The following SLC25A26 variants were observed in gnomAD, a reference collection of about 807,000 sequenced individuals.
The protein encoded by SLC25A26 is mitochondrial S-adenosylmethionine carrier protein.
A neutral mutation model predicts 37.8 loss-of-function variants in SLC25A26; 36 were observed. The observed-to-expected ratio is 0.95, with a 90% confidence interval of 0.73 to 1.26. The LOEUF (loss-of-function observed/expected upper bound fraction) is 1.26. SLC25A26 is among the 50% of genes most tolerant of loss of function. The pLI, the probability that SLC25A26 is intolerant of heterozygous loss-of-function variation, is 0.00. For synonymous variants in SLC25A26, 129 were observed against 122.5 expected (o/e 1.05, Z -0.35); for missense variants, 390 against 331.1 (o/e 1.18, Z -1.38).
intron 5 of SLC25A26, among the ~76,000 whole-genome samples, chr3:66,279,452 C>G (rs1415285637): frequency 6.6e-6 from 1 of 152,082 alleles, no homozygotes; most frequent in African/African-American, 2.4e-5. Flanking sequence ...AATGAAAATG[C>G]TTTCAGATAT....
intron 1 of SLC25A26, among the ~76,000 whole-genome samples, chr3:66,169,934 C>G (rs2070472429): frequency 6.6e-6 from 1 of 152,168 alleles, no homozygotes; most frequent in South Asian, 2.1e-4. Flanking sequence ...GGGAGAAGAG[C>G]AATAATTTTC....
intron 5 of SLC25A26, 132 bp from the exon 6 acceptor site, chr3:66,346,232 A>G (rs1424173285): frequency 1.8e-5 from 9 of 503,242 alleles, no homozygotes; most frequent in Admixed American, 4.2e-5. Context: ...CATTATGTCT[A>G]CTATAACTGT....
intron 9 of SLC25A26, chr3:66,371,506 G>A (rs1700342654): frequency 7.3e-7 from 1 of 1,363,570 alleles, no homozygotes; most frequent in Non-Finnish European, 9.5e-7. Flanking sequence ...GGTGATATTG[G>A]ATGGTTTTGT....
intron 5 of SLC25A26, among the ~76,000 whole-genome samples, chr3:66,329,570 TAG>T (rs1300307410): frequency 6.6e-5 from 10 of 152,166 alleles, no homozygotes; most frequent in African/African-American, 2.2e-4. Flanking sequence ...CAGTTTCCAT[TAG>T]AGTTTTAAAA....
chr3:66,315,231 ATCTT>A (rs1414089088), intron 5 of SLC25A26, among the ~76,000 whole-genome samples: 2 of 151,806 alleles, frequency 1.3e-5, no homozygotes, highest in African/African-American at 4.8e-5. Context: ...TCAGTTTGAG[ATCTT>A]TCTAACTTTT....
chr3:66,369,370 C>A, intron 7 of SLC25A26, 108 bp from the exon 8 acceptor site: 1 of 607,320 alleles, frequency 1.6e-6, no homozygotes. Flanking sequence ...TTCAATCAGC[C>A]AGGTGTACAT....
intron 1 of SLC25A26, among the ~76,000 whole-genome samples, chr3:66,181,346 G>C (rs184051493): frequency 4.6e-5 from 7 of 152,264 alleles, no homozygotes; most frequent in African/African-American, 1.7e-4. Flanking sequence ...AAATTACTTT[G>C]TGTCTTTATG....
chr3:66,257,430 C>G (rs1010514704), intron 3 of SLC25A26, among the ~76,000 whole-genome samples: 1 of 152,128 alleles, frequency 6.6e-6, no homozygotes, highest in Non-Finnish European at 1.5e-5. Flanking sequence ...GGGCCACAGT[C>G]TAGGGCCGCA....
intron 5 of SLC25A26, among the ~76,000 whole-genome samples, chr3:66,274,621 A>C (rs2074070257): frequency 6.6e-6 from 1 of 152,274 alleles, no homozygotes; most frequent in African/African-American, 2.4e-5. Context: ...CAGAGAAGAC[A>C]TTTATGCAGC....
At chr3:66,364,101 G>T (rs1410246670) in intron 7 of SLC25A26, among the ~76,000 whole-genome samples, 1 of 152,100 alleles carries the variant, frequency 6.6e-6, no homozygotes, top group Non-Finnish European at 1.5e-5. Flanking sequence ...GATAAGTAAG[G>T]CTACTTTTTA....
At chr3:66,306,140 A>G (rs1018807948) in intron 5 of SLC25A26, among the ~76,000 whole-genome samples, 1 of 152,156 alleles carries the variant, frequency 6.6e-6, no homozygotes, top group Non-Finnish European at 1.5e-5. Flanking sequence ...GTGCACCACC[A>G]TGCCCAGCTA....
At chr3:66,135,596 A>G (rs1161627131) in intron 1 of SLC25A26, among the ~76,000 whole-genome samples, 3 of 152,134 alleles carry the variant, frequency 2.0e-5, no homozygotes, top group Admixed American at 6.5e-5. Flanking sequence ...AGTGAGACCT[A>G]TTCTTTACCA....
chr3:66,207,515 T>C (rs1473732873), intron 1 of SLC25A26, among the ~76,000 whole-genome samples: 1 of 152,210 alleles, frequency 6.6e-6, no homozygotes, highest in African/African-American at 2.4e-5. Flanking sequence ...CCAGGCCTGA[T>C]TGATTTTACT....
intron 5 of SLC25A26, among the ~76,000 whole-genome samples, chr3:66,305,528 A>T (rs558328184): frequency 6.6e-6 from 1 of 152,294 alleles, no homozygotes; most frequent in East Asian, 1.9e-4. Flanking sequence ...AATATGTGCT[A>T]TGGTGGTTTG....
intron 2 of SLC25A26, among the ~76,000 whole-genome samples, chr3:66,242,050 G>A (rs2072610578): frequency 6.6e-6 from 1 of 152,172 alleles, no homozygotes; most frequent in Non-Finnish European, 1.5e-5. Flanking sequence ...CTTCTTGGAT[G>A]CCACCTGGAG....
At chr3:66,275,104 A>G (rs907623374) in intron 5 of SLC25A26, among the ~76,000 whole-genome samples, 3 of 152,066 alleles carry the variant, frequency 2.0e-5, no homozygotes, top group Non-Finnish European at 4.4e-5. Flanking sequence ...CTTTGTAGGG[A>G]CATGGATGAA....
chr3:66,311,216 C>T (rs1274093589), intron 5 of SLC25A26, among the ~76,000 whole-genome samples: 10 of 151,950 alleles, frequency 6.6e-5, no homozygotes, highest in Admixed American at 5.2e-4. Context: ...CTCATCTTGT[C>T]GTCACACTTT....
intron 3 of SLC25A26, among the ~76,000 whole-genome samples, chr3:66,246,084 C>G (rs1057442610): frequency 6.6e-6 from 1 of 152,170 alleles, no homozygotes; most frequent in Non-Finnish European, 1.5e-5. Flanking sequence ...TCTTTTGTTA[C>G]TGACTTTTTT....
intron 6 of SLC25A26, among the ~76,000 whole-genome samples, chr3:66,359,262 T>C (rs975207738): frequency 2.0e-5 from 3 of 152,236 alleles, no homozygotes; most frequent in Non-Finnish European, 4.4e-5. Context: ...CTCTGTCACC[T>C]CACTTCTCTC....
Sources: gnomAD v4.1 joint callset for allele counts (sites outside exome capture counted in the v4.1 genomes callset) on GRCh38, gnomAD v4.1.1 for gene constraint, MANE v1.5 for transcripts, NCBI Gene and HGNC (gene_info 2026-07-23, HGNC 2026-07-21) for gene names.